The following ARHGAP24 variants were observed in gnomAD, a reference collection of about 807,000 sequenced individuals.
ARHGAP24 encodes rho GTPase-activating protein 24.
Under a neutral mutation model 76.4 loss-of-function variants are expected in ARHGAP24, and 50 were observed. The observed-to-expected ratio is 0.65, with a 90% CI of 0.52 to 0.83. ARHGAP24 has a LOEUF of 0.83. Among genes scored for constraint, ARHGAP24 ranks in the 40% least tolerant of loss-of-function variants. ARHGAP24 has a pLI of 0.00. For missense variants in ARHGAP24, 930 were observed against 914.2 expected (o/e 1.02, Z -0.22); for synonymous variants, 345 against 323.3 (o/e 1.07, Z -0.72).
intron 3 of ARHGAP24, among the ~76,000 whole-genome samples, chr4:85,775,931 A>G (rs755244025): frequency 1.3e-5 from 2 of 152,138 alleles, no homozygotes; most frequent in African/African-American, 2.4e-5. Context: ...CATGGGTATA[A>G]GGAGGGGAAT....
At chr4:85,903,415 A>T (rs1455601682) in intron 3 of ARHGAP24, among the ~76,000 whole-genome samples, 2 of 152,164 alleles carry the variant, frequency 1.3e-5, no homozygotes, top group African/African-American at 4.8e-5. Flanking sequence ...TTCACCCAAG[A>T]GCTCTTATAT....
At chr4:85,798,703 C>T (rs1421246221) in intron 3 of ARHGAP24, among the ~76,000 whole-genome samples, 1 of 152,116 alleles carries the variant, frequency 6.6e-6, no homozygotes, top group African/African-American at 2.4e-5. Flanking sequence ...ACTATTTTTG[C>T]AACTTCTAAA....
At chr4:85,868,899 CCTTCT>C (rs1435446266) in intron 3 of ARHGAP24, among the ~76,000 whole-genome samples, 1 of 151,884 alleles carries the variant, frequency 6.6e-6, no homozygotes, top group African/African-American at 2.4e-5. Flanking sequence ...TGCCAGGTTA[CCTTCT>C]CTTTTTTCTT....
chr4:85,958,142 A>G lies in ARHGAP24; in HGVS notation c.600-13894A>G, dbSNP rs1738030924. Reference sequence around the variant, plus strand: ...CCATGACAGAAAAATGTGGGACTAAATCTGCCACTTACTACCCATGTTAAT... The same window carrying G: ...CCATGACAGAAAAATGTGGGACTAAGTCTGCCACTTACTACCCATGTTAAT... On this transcript the variant is annotated intron_variant, in intron 5 of 9. Transcript: ENST00000395184. Among the ~76,000 whole-genome samples, 3 of 152,198 alleles carry G rather than the reference A, an allele frequency of 2.0e-5. No homozygotes were observed. The South Asian group carries it at 6.2e-4, about 32-fold the overall frequency.
intron 3 of ARHGAP24, among the ~76,000 whole-genome samples, chr4:85,729,261 AAG>A (rs1725298453): frequency 6.6e-6 from 1 of 152,134 alleles, no homozygotes; most frequent in Non-Finnish European, 1.5e-5. Flanking sequence ...CTATATACAC[AAG>A]TAGCTCTACA....
chr4:85,913,259 T>C (rs773165635), intron 3 of ARHGAP24, among the ~76,000 whole-genome samples: 6 of 151,764 alleles, frequency 4.0e-5, no homozygotes, highest in Non-Finnish European at 7.4e-5. Context: ...AGAATTTCAT[T>C]TGTGCTGATC....
chr4:85,828,472 A>G (rs571318228), intron 3 of ARHGAP24, among the ~76,000 whole-genome samples: 1 of 152,008 alleles, frequency 6.6e-6, no homozygotes, highest in South Asian at 2.1e-4. Context: ...TGCTTGTCAA[A>G]ATGAAAACAA....
At chr4:85,965,744 A>C (rs765173326) in intron 5 of ARHGAP24, among the ~76,000 whole-genome samples, 8 of 152,198 alleles carry the variant, frequency 5.3e-5, no homozygotes, top group Non-Finnish European at 1.2e-4. Context: ...TATTAGAAAA[A>C]GTTTTCAGGT....
chr4:85,850,810 G>A (rs1731177844), intron 3 of ARHGAP24, among the ~76,000 whole-genome samples: 1 of 152,184 alleles, frequency 6.6e-6, no homozygotes, highest in African/African-American at 2.4e-5. Context: ...TGTGGTCTGA[G>A]AGACGGTTTG....
At chr4:85,727,043 C>T (rs1449016900) in intron 3 of ARHGAP24, among the ~76,000 whole-genome samples, 2 of 151,842 alleles carry the variant, frequency 1.3e-5, no homozygotes, top group Non-Finnish European at 2.9e-5. Flanking sequence ...GGAGAAACCC[C>T]GTTTCAATAG....
chr4:85,487,468 A>T (rs868398107), intron 1 of ARHGAP24, among the ~76,000 whole-genome samples: 1 of 98,756 alleles, frequency 1.0e-5, no homozygotes, highest in African/African-American at 4.0e-5. Flanking sequence ...ATAAACATAT[A>T]TTTATTACAT....
intron 3 of ARHGAP24, among the ~76,000 whole-genome samples, chr4:85,771,448 G>C (rs1578212333): frequency 6.6e-6 from 1 of 152,258 alleles, no homozygotes; most frequent in South Asian, 2.1e-4. Context: ...TCATGTCCTC[G>C]GCAGATTGCA....
intron 2 of ARHGAP24, among the ~76,000 whole-genome samples, chr4:85,572,877 T>TC (rs1727193848): frequency 7.0e-6 from 1 of 142,494 alleles, no homozygotes; most frequent in African/African-American, 2.6e-5. Context: ...TTTCTTTCTT[T>TC]TTTTTTTTTT....
At chr4:85,739,249 C>CAAA (rs1725727744) in intron 3 of ARHGAP24, among the ~76,000 whole-genome samples, 3 of 152,166 alleles carry the variant, frequency 2.0e-5, no homozygotes, top group African/African-American at 7.2e-5. Flanking sequence ...ACCCAGAACC[C>CAAA]TTCTATGCAT....
At chr4:85,624,482 G>T (rs1380391343) in intron 2 of ARHGAP24, among the ~76,000 whole-genome samples, 1 of 152,180 alleles carries the variant, frequency 6.6e-6, no homozygotes, top group Non-Finnish European at 1.5e-5. Flanking sequence ...GCTGGATTCG[G>T]TTTGCCAGTA....
chr4:85,875,078 A>T (rs1338898316), intron 3 of ARHGAP24, among the ~76,000 whole-genome samples: 1 of 41,224 alleles, frequency 2.4e-5, no homozygotes, highest in Non-Finnish European at 4.0e-5. Flanking sequence ...ATATTATATT[A>T]TATATAATAT....
At chr4:85,497,199 T>C (rs775304455) in intron 1 of ARHGAP24, among the ~76,000 whole-genome samples, 9 of 152,166 alleles carry the variant, frequency 5.9e-5, no homozygotes, top group Admixed American at 3.3e-4. Context: ...TGTTGGTGAA[T>C]AAATCCCACC....
intron 5 of ARHGAP24, among the ~76,000 whole-genome samples, chr4:85,950,852 T>G (rs1245508495): frequency 6.6e-6 from 1 of 151,626 alleles, no homozygotes; most frequent in Non-Finnish European, 1.5e-5. Context: ...TGTATTTTAT[T>G]TTTTTTAGTA....
At chr4:85,628,741 G>C (rs1721060385) in intron 2 of ARHGAP24, among the ~76,000 whole-genome samples, 1 of 152,130 alleles carries the variant, frequency 6.6e-6, no homozygotes, top group African/African-American at 2.4e-5. Context: ...ACCCTATAAT[G>C]ACCTTCTTTG....
Sources: gnomAD v4.1 joint callset for allele counts (sites outside exome capture counted in the v4.1 genomes callset) on GRCh38, gnomAD v4.1.1 for gene constraint, MANE v1.5 for transcripts, NCBI Gene and HGNC (gene_info 2026-07-23, HGNC 2026-07-21) for gene names.